SPON1: variants seen among roughly 807,000 people sequenced by gnomAD.
SPON1 encodes the protein spondin 1.
A neutral mutation model predicts 111.7 loss-of-function variants in SPON1; 52 were observed. That is an observed-to-expected ratio of 0.47 (90% CI 0.37 to 0.59). The LOEUF (loss-of-function observed/expected upper bound fraction) is 0.59, where lower values mean the gene tolerates loss of function less well. Ranked by LOEUF, SPON1 falls within the 20% of genes least tolerant of loss-of-function variation. SPON1 has a pLI of 0.00. For synonymous variants in SPON1, 410 were observed against 395.8 expected (o/e 1.04, Z -0.43); for missense variants, 957 against 1,068.5 (o/e 0.90, Z 1.46).
chr11:14,058,683 G>T (rs781929317), intron 3 of SPON1, among the ~76,000 whole-genome samples: 4 of 152,122 alleles, frequency 2.6e-5, no homozygotes, highest in Non-Finnish European at 5.9e-5. Flanking sequence ...CTTCTTTATC[G>T]CTTCCTTTGC....
intron 5 of SPON1, among the ~76,000 whole-genome samples, chr11:14,102,408 T>C (rs1849150934): frequency 6.6e-6 from 1 of 152,232 alleles, no homozygotes; most frequent in Non-Finnish European, 1.5e-5. Flanking sequence ...AAAAATTTAT[T>C]ATTGAGACAT....
intron 6 of SPON1, among the ~76,000 whole-genome samples, chr11:14,199,096 C>G (rs1164647394): frequency 6.6e-6 from 1 of 152,114 alleles, no homozygotes; most frequent in Non-Finnish European, 1.5e-5. Flanking sequence ...AGTTACTAAG[C>G]ACCTAAATAT....
intron 6 of SPON1, among the ~76,000 whole-genome samples, chr11:14,148,379 G>C (rs1554929569): frequency 6.6e-6 from 1 of 152,154 alleles, no homozygotes; most frequent in African/African-American, 2.4e-5. Context: ...AAAACGAAGA[G>C]AGGGACCTTT....
intron 3 of SPON1, among the ~76,000 whole-genome samples, chr11:14,074,046 A>T (rs1848897793): frequency 6.6e-6 from 1 of 152,182 alleles, no homozygotes; most frequent in South Asian, 2.1e-4. Context: ...AGATGATGGG[A>T]TGATCTGACT....
intron 2 of SPON1, among the ~76,000 whole-genome samples, chr11:14,033,271 C>T (rs1420275404): frequency 1.3e-5 from 2 of 152,216 alleles, no homozygotes; most frequent in African/African-American, 4.8e-5. Flanking sequence ...TGGGGCTCTG[C>T]TTCCTGAAGA....
At chr11:14,119,834 T>G (rs1849292250) in intron 5 of SPON1, among the ~76,000 whole-genome samples, 1 of 152,182 alleles carries the variant, frequency 6.6e-6, no homozygotes, top group Admixed American at 6.5e-5. Flanking sequence ...TACACAAACG[T>G]ACACCAAATT....
intron 2 of SPON1, among the ~76,000 whole-genome samples, chr11:14,031,882 TTC>T (rs1161934849): frequency 6.6e-6 from 1 of 152,200 alleles, no homozygotes; most frequent in Non-Finnish European, 1.5e-5. Context: ...TTTCTTTGGA[TTC>T]TCTCTCAGGT....
intron 6 of SPON1, among the ~76,000 whole-genome samples, chr11:14,156,736 A>T (rs1554930442): frequency 6.6e-6 from 1 of 152,092 alleles, no homozygotes; most frequent in East Asian, 1.9e-4. Context: ...TCCCAGCACC[A>T]TTTATTAAAT....
chr11:14,260,665 C>G lies in SPON1; in HGVS notation c.1909C>G (p.Arg637Gly). The change falls in exon 14 of 16, where the codon CGA becomes GGA. Residue 637 changes from arginine (R) to glycine (G), a missense_variant. Coordinates refer to ENST00000576479, the MANE Select transcript of SPON1 (RefSeq NM_006108.4). The stretch of plus-strand genomic sequence containing the variant: ...GACCTGCGGGAAGGGCATGCGAACC[C>G]GACAGCGGATGCTCAAGTCTCTGGC... ...SVTCGKGMRTRQRMLKSLAEL... is the reference protein window; with the variant it reads ...SVTCGKGMRTGQRMLKSLAEL... 1 of 1,613,930 alleles carries G rather than the reference C, an allele frequency of 6.2e-7. No homozygotes were observed. Among genetic ancestry groups the G allele is most frequent in the Non-Finnish European group, 8.5e-7 (1 of 1,179,890 alleles).
intron 2 of SPON1, among the ~76,000 whole-genome samples, chr11:14,032,852 C>T (rs1554916226): frequency 6.6e-6 from 1 of 152,166 alleles, no homozygotes; most frequent in African/African-American, 2.4e-5. Context: ...CCCCTATACT[C>T]CCTGACTCAA....
Position 13,963,061 on chromosome 11 carries a change from A to T in SPON1, c.157A>T (p.Thr53Ser). The change falls in exon 1 of 16, where the codon ACG (threonine) becomes TCG (serine). Residue 53 changes from threonine to serine, a missense_variant. Physicochemically the swap from Thr to Ser is moderately conservative, Grantham distance 58. This residue lies in a region of SPON1 where 262 missense variants were observed against 253.9 expected (regional missense o/e 1.03). Coordinates refer to ENST00000576479, the MANE Select transcript of SPON1 (RefSeq NM_006108.4). ...YCSRILRAQG[T>S]RREGYTEFSL... ...CAGCCGTATCCTGCGCGCCCAGGGC[A>T]CGCGGCGCGAGGGCTACACCGAGTT... The T allele has an allele frequency of 6.3e-7, 1 of 1,576,140 alleles. No homozygotes were observed. The highest frequency in any genetic ancestry group is 8.6e-7 in the Non-Finnish European group (1 of 1,162,538).
intron 6 of SPON1, among the ~76,000 whole-genome samples, chr11:14,174,942 G>T (rs1159349783): frequency 6.7e-6 from 1 of 149,964 alleles, no homozygotes; most frequent in East Asian, 2.0e-4. Context: ...TGCTTCAAAG[G>T]CATGGTAAGC....
chr11:13,997,673 A>G (rs145054171), intron 2 of SPON1, among the ~76,000 whole-genome samples: 1 of 152,212 alleles, frequency 6.6e-6, no homozygotes, highest in Non-Finnish European at 1.5e-5. Context: ...TTCCAACTCC[A>G]CAGGTGAGGA....
chr11:14,024,471 G>A (rs112699721), intron 2 of SPON1, among the ~76,000 whole-genome samples: 88 of 152,244 alleles, frequency 5.8e-4, no homozygotes, highest in African/African-American at 2.1e-3. Flanking sequence ...TCTTCCCCTG[G>A]AGTCAGGCTA....
In SPON1 at chr11:14,262,990, T is replaced by C. The variant is rs781871165; in HGVS notation, c.2260+15T>C. ...GCAGTTCCCAGGTATGGCTCCCAAG[T>C]GTCAGCCTGGGTGGTCTCCAGGACA... On this transcript the variant is annotated intron_variant, in intron 15 of 15. Coordinates refer to ENST00000576479, the MANE Select transcript of SPON1 (RefSeq NM_006108.4). 6.2e-6 allele frequency: 10 copies of C among 1,607,908 alleles called. No individual in the cohort carries two copies. Among genetic ancestry groups the C allele is most frequent in the Non-Finnish European group, 8.5e-6 (10 of 1,178,470 alleles).
chr11:14,027,106 C>T (rs1378149224), intron 2 of SPON1, among the ~76,000 whole-genome samples: 1 of 152,132 alleles, frequency 6.6e-6, no homozygotes, highest in Non-Finnish European at 1.5e-5. Flanking sequence ...TGAGGAGACT[C>T]GTCTGGACTT....
chr11:14,179,486 C>T (rs1390047568), intron 6 of SPON1, among the ~76,000 whole-genome samples: 1 of 152,114 alleles, frequency 6.6e-6, no homozygotes. Flanking sequence ...CAAAGGCCAG[C>T]TCAATTGTCA....
intron 6 of SPON1, among the ~76,000 whole-genome samples, chr11:14,170,571 G>A (rs1425148129): frequency 4.0e-5 from 6 of 151,884 alleles, no homozygotes; most frequent in South Asian, 2.1e-4. Context: ...CCTGTCTTGT[G>A]CCAGTTTTCA....
At chr11:14,002,050 A>G (rs1848323004) in intron 2 of SPON1, among the ~76,000 whole-genome samples, 1 of 152,212 alleles carries the variant, frequency 6.6e-6, no homozygotes, top group Admixed American at 6.5e-5. Context: ...GAGGGAGGAC[A>G]TCTTTCTTGA....
Sources: gnomAD v4.1 joint callset for allele counts (sites outside exome capture counted in the v4.1 genomes callset) on GRCh38, gnomAD v4.1.1 for gene constraint, gnomAD v4.1.1 regional missense constraint, MANE v1.5 for transcripts, NCBI Gene and HGNC (gene_info 2026-07-23, HGNC 2026-07-21) for gene names.